The following SCAF11 variants were observed in gnomAD, a reference collection of about 807,000 sequenced individuals.
The protein encoded by SCAF11 is SR-related CTD associated factor 11.
In SCAF11, 47 loss-of-function variants were observed where a neutral mutation model predicts 140.5. That is an observed-to-expected ratio of 0.33 (90% CI 0.26 to 0.43). The LOEUF is 0.43. Ranked by LOEUF, SCAF11 falls within the 20% of genes least tolerant of loss-of-function variation. The pLI, the probability that SCAF11 is intolerant of heterozygous loss-of-function variation, is 1.00. For synonymous variants in SCAF11, 557 were observed against 579.4 expected (o/e 0.96, Z 0.55); for missense variants, 1,645 against 1,705.1 (o/e 0.96, Z 0.62).
At chr12:45,991,990 G>A, upstream of SCAF11, 1 of 1,289,126 alleles carries the variant, frequency 7.8e-7, no homozygotes, top group Non-Finnish European at 1.0e-6. Context: ...GCCTGCCCGG[G>A]ATGAGTTTCC....
At chr12:45,965,865 C>A (rs1945934313) in intron 1 of SCAF11, among the ~76,000 whole-genome samples, 2 of 152,150 alleles carry the variant, frequency 1.3e-5, no homozygotes, top group Non-Finnish European at 2.9e-5. Flanking sequence ...AAGTCCCAGA[C>A]TTATAGTTCA....
At position 45,924,810 on chromosome 12, in the gene SCAF11, C is replaced by T; in HGVS notation, c.3824G>A (p.Gly1275Glu). Residue 1275 changes from glycine (G) to glutamate (E), a missense_variant, in exon 12 of 15, where the codon GGA (glycine) becomes GAA (glutamate). By Grantham distance (98) the Gly-to-Glu change is moderately conservative. Transcript: ENST00000369367. Reference protein sequence around the residue: ...QVATPTSVSQGLPPPPPPPPP... With the variant: ...QVATPTSVSQELPPPPPPPPP... ...GGGAGGGGGTGGTGGTGGTGGTAGT[C>T]CCTGAGATACACTGGTAGGAGTGGC... 3.7e-6 allele frequency: 6 copies of T among 1,613,694 alleles called. No individual in the cohort carries two copies. The highest frequency in any genetic ancestry group is 2.2e-5 in the East Asian group (1 of 44,854).
At chr12:45,947,927 T>C (rs1945463080) in intron 5 of SCAF11, among the ~76,000 whole-genome samples, 1 of 152,164 alleles carries the variant, frequency 6.6e-6, no homozygotes, top group Non-Finnish European at 1.5e-5. Flanking sequence ...TCCTCCCACC[T>C]CAGTCTCCCA....
At chr12:45,977,774 G>A (rs548840261) in intron 1 of SCAF11, among the ~76,000 whole-genome samples, 1 of 152,244 alleles carries the variant, frequency 6.6e-6, no homozygotes, top group East Asian at 1.9e-4. Context: ...GGGAGGGGGT[G>A]TTTGAATGTT....
upstream of SCAF11, chr12:45,992,030 A>T (rs1385667494): frequency 7.8e-7 from 1 of 1,288,886 alleles, no homozygotes; most frequent in Non-Finnish European, 1.0e-6. Flanking sequence ...CCGCCGACCG[A>T]CCGCTTCACT....
chr12:45,924,863 G>A lies in SCAF11; in HGVS notation c.3771C>T (p.Leu1257=), dbSNP rs1459127226. The A allele has an allele frequency of 1.2e-6, 2 of 1,614,008 alleles. No individual in the cohort carries two copies. Among genetic ancestry groups the A allele is most frequent in the East Asian group, 2.2e-5 (1 of 44,894 alleles). ...CCTGCATGAGGGGCACTCCTGTGTG[G>A]AGATGCAAGGGTAGCTGAGGATGAA... ...FNIHPQLPLH[L]HTGVPLMQVA... is the part of the protein sequence containing the mutation. The change falls in exon 12 of 15, where the codon CTC becomes CTT. Residue 1257 remains leucine, a synonymous_variant. Transcript: ENST00000369367.
intron 12 of SCAF11, among the ~76,000 whole-genome samples, chr12:45,924,083 C>T (rs1944783584): frequency 6.6e-6 from 1 of 152,170 alleles, no homozygotes; most frequent in Admixed American, 6.5e-5. Flanking sequence ...CCTCGTGATT[C>T]ACCCACCTGG....
chr12:45,924,593 T>C (rs1944801566), intron 12 of SCAF11, 135 bp downstream of exon 12: 1 of 691,598 alleles, frequency 1.4e-6, no homozygotes, highest in Non-Finnish European at 2.3e-6. Context: ...AGAGGGATTA[T>C]GAAGGTTTAC....
intron 1 of SCAF11, among the ~76,000 whole-genome samples, chr12:45,971,730 C>T (rs1381616455): frequency 6.6e-6 from 1 of 151,970 alleles, no homozygotes; most frequent in Non-Finnish European, 1.5e-5. Context: ...TTCCCCCTTT[C>T]TCTGTTCCTC....
At chr12:45,953,670 T>G (rs1196705204) in intron 3 of SCAF11, among the ~76,000 whole-genome samples, 1 of 152,296 alleles carries the variant, frequency 6.6e-6, no homozygotes. Flanking sequence ...AAAGGTTATG[T>G]GGTAATAAAT....
Position 45,927,060 on chromosome 12 carries a change from G to C in SCAF11, c.2641C>G (p.Leu881Val), listed in dbSNP as rs758174696. Residue 881 changes from leucine to valine, a missense_variant, in exon 11 of 15, where the codon CTG becomes GTG. By Grantham distance (32) the Leu-to-Val change is conservative. This residue lies in a region of SCAF11 where 1,582 missense variants were observed against 1,609.2 expected (regional missense o/e 0.98). Coordinates refer to ENST00000369367, the MANE Select transcript of SCAF11 (RefSeq NM_004719.3). ...CTAGAAGTTTCTCTTCTTGGGGACA[G>C]TGATTCAGATCTTCTGCTTTCCCTA... ...TTRESRRSES[L>V]SPRRETSREN... is the part of the protein sequence containing the mutation. 4.8e-5 allele frequency: 77 copies of C among 1,613,996 alleles called. No homozygotes were observed. Among genetic ancestry groups the C allele is most frequent in the Non-Finnish European group, 1.3e-5 (15 of 1,180,014 alleles).
upstream of SCAF11, among the ~76,000 whole-genome samples, chr12:45,991,163 A>G (rs1268623073): frequency 6.6e-6 from 1 of 152,160 alleles, no homozygotes; most frequent in African/African-American, 2.4e-5. Context: ...TTGGAAGCCC[A>G]CCTTTCCTCC....
chr12:45,954,113 T>C, intron 3 of SCAF11, among the ~76,000 whole-genome samples: 1 of 152,258 alleles, frequency 6.6e-6, no homozygotes, highest in East Asian at 1.9e-4. Flanking sequence ...TTCAAGAAAT[T>C]TGTATCAGAT....
rs573049989 is a variant in SCAF11, at chr12:45,959,500, T to C, written c.219+2200A>G. Among the ~76,000 whole-genome samples the C allele has an allele frequency of 5.3e-5, 8 of 152,338 alleles. No homozygotes were observed. The South Asian group carries it at 1.4e-3, about 28-fold the overall frequency. On this transcript the variant is annotated intron_variant, in intron 3 of 14. Coordinates refer to ENST00000369367, the MANE Select transcript of SCAF11 (RefSeq NM_004719.3). ...GGCCTGTTAGAAGGCTGAAGACACT[T>C]ATTCCTGATCCTGAAATCCGAAGTA...
At position 45,961,691 on chromosome 12, in the gene SCAF11, C is replaced by A; in HGVS notation, c.219+9G>T. The A allele has an allele frequency of 1.2e-6, 2 of 1,601,978 alleles. No individual in the cohort carries two copies. The highest frequency in any genetic ancestry group is 2.2e-5 in the South Asian group (2 of 88,926). Reference sequence around the variant, plus strand: ...AGGAAATTAAAATACATTAATGTGTCAGACTTACCTCTGCCCATTTAAGAA... The same window carrying A: ...AGGAAATTAAAATACATTAATGTGTAAGACTTACCTCTGCCCATTTAAGAA... On this transcript the variant is annotated intron_variant, in intron 3 of 14. Coordinates refer to ENST00000369367, the MANE Select transcript of SCAF11 (RefSeq NM_004719.3).
At chr12:45,970,157 G>A (rs1418815665) in intron 1 of SCAF11, among the ~76,000 whole-genome samples, 1 of 152,162 alleles carries the variant, frequency 6.6e-6, no homozygotes, top group Non-Finnish European at 1.5e-5. Context: ...GCCTCCCAAA[G>A]TGCTGGGATT....
At position 45,928,590 on chromosome 12, in the gene SCAF11, C is replaced by T. The variant is rs142844694; in HGVS notation, c.1111G>A (p.Ala371Thr). The stretch of plus-strand genomic sequence containing the variant: ...CTTCTTACAGACTTCCGTTTTGGAG[C>T]CTGTCTTGTTTGCTTTTCTGACTCA... Reference protein sequence around the residue: ...SAESEKQTRQAPKRKSVRRGR... With the variant: ...SAESEKQTRQTPKRKSVRRGR... The change falls in exon 11 of 15, where the codon GCT becomes ACT. Residue 371 changes from alanine to threonine, a missense_variant. Physicochemically the swap from Ala to Thr is moderately conservative, Grantham distance 58 (BLOSUM62 0). This residue lies in a region of SCAF11 where 1,582 missense variants were observed against 1,609.2 expected (regional missense o/e 0.98). Coordinates refer to ENST00000369367, the MANE Select transcript of SCAF11 (RefSeq NM_004719.3). 4 of 1,613,908 alleles carry T rather than the reference C, an allele frequency of 2.5e-6. No individual in the cohort carries two copies. Among genetic ancestry groups the T allele is most frequent in the African/African-American group, 1.3e-5 (1 of 74,892 alleles).
intron 1 of SCAF11, among the ~76,000 whole-genome samples, chr12:45,989,385 G>A (rs757363156): frequency 6.6e-6 from 1 of 152,156 alleles, no homozygotes; most frequent in Non-Finnish European, 1.5e-5. Context: ...AAGTATCTTA[G>A]GTCAGTGGTA....
At chr12:45,952,781 T>C (rs1945582028) in intron 3 of SCAF11, among the ~76,000 whole-genome samples, 1 of 152,220 alleles carries the variant, frequency 6.6e-6, no homozygotes, top group Admixed American at 6.5e-5. Flanking sequence ...ATATTATTAA[T>C]ACCTATGGTT....
Sources: allele counts gnomAD v4.1 joint callset (sites outside exome capture counted in the v4.1 genomes callset), GRCh38; gene constraint gnomAD v4.1.1; regional missense constraint gnomAD v4.1.1; transcripts MANE v1.5; gene names NCBI Gene and HGNC (gene_info 2026-07-23, HGNC 2026-07-21).